The following TNRC18 variants were observed in gnomAD, a reference collection of about 807,000 sequenced individuals.
TNRC18 encodes trinucleotide repeat containing 18, also known as trinucleotide repeat-containing gene 18 protein.
In TNRC18, 69 loss-of-function variants were observed where a neutral mutation model predicts 226.7. The ratio of observed to expected loss-of-function variants is 0.30; its 90% confidence interval spans 0.25 to 0.37. The LOEUF is 0.37. TNRC18 is among the 10% of genes least tolerant of loss of function. TNRC18 has a pLI of 1.00. For missense variants in TNRC18, 4,754 were observed against 4,256.6 expected (o/e 1.12, Z -3.25); for synonymous variants, 2,449 against 1,927.6 (o/e 1.27, Z -7.09).
At chr7:5,345,517 G>GGGGGGGCGCCCCCCCCA in intron 18 of TNRC18, 45 bp downstream of exon 18, 1 of 377,744 alleles carries the variant, frequency 2.6e-6, no homozygotes, top group Non-Finnish European at 4.8e-6. Flanking sequence ...AATGGCGTCC[G>GGGGGGGCGCCCCCCCCA]CCCCTCCCAC....
Position 5,345,549 on chromosome 7 carries a change from TGCTG to T in TNRC18, c.5719+9_5719+12del. ...CCACCCACCCCCACCGCAGCCCACC[TGCTG>T]CCACTTACCCAGCAGGCTCTGCCGC... On this transcript the variant is annotated intron_variant, in intron 18 of 29. Coordinates refer to ENST00000430969, the MANE Select transcript of TNRC18 (RefSeq NM_001080495.3). The T allele has an allele frequency of 5.9e-6, 1 of 170,158 alleles. No individual in the cohort carries two copies. The allele number at this position is 170,158 out of a possible 1,614,324, so 10.5% of individuals were successfully genotyped here.
In TNRC18 at chr7:5,420,321, C is replaced by G. The variant is rs1562649137; in HGVS notation, c.187+739G>C. On this transcript the variant is annotated intron_variant, in intron 2 of 29. Coordinates refer to ENST00000430969, the MANE Select transcript of TNRC18 (RefSeq NM_001080495.3). ...GCCTGGGCCCTGCCCGACCCGCTCT[C>G]TTCTTTCCCCCTAGGTTCGGGACCG... is the stretch of plus-strand genomic sequence containing the variant. 1.1e-5 allele frequency: 5 copies of G among 454,006 alleles called. No homozygotes were observed. The Admixed American group carries it at 1.2e-4, about 11-fold the overall frequency. The allele number at this position is 454,006 out of a possible 1,614,324, so 28.1% of individuals were successfully genotyped here. A position where few individuals can be genotyped will look rare whatever the true frequency, so the allele number is the denominator to read the frequency against.
intron 2 of TNRC18, among the ~76,000 whole-genome samples, chr7:5,409,915 C>A (rs571782712): frequency 1.2e-4 from 18 of 147,842 alleles, no homozygotes; most frequent in Non-Finnish European, 2.4e-4. Flanking sequence ...GACATGAACC[C>A]GGGAGGTGGA....
At chr7:5,351,777 G>C (rs775368775) in intron 17 of TNRC18, 42 bp downstream of exon 17, 2 of 1,523,776 alleles carry the variant, frequency 1.3e-6, no homozygotes, top group Non-Finnish European at 1.8e-6. Flanking sequence ...GCACTCTCTC[G>C]CTAGGAAACA....
At position 5,388,543 on chromosome 7, in the gene TNRC18, G is replaced by C; in HGVS notation, c.1281C>G (p.Arg427=). ...PRPLDRPEGL[R]EKNSVIRSLK... ...GCGAGCGGATGACCGAGTTCTTCTCGCGCAGGCCCTCGGGCCGGTCCAGAG... is the reference window on the plus strand; with the variant it reads ...GCGAGCGGATGACCGAGTTCTTCTCCCGCAGGCCCTCGGGCCGGTCCAGAG... Residue 427 remains arginine (R), a synonymous_variant, in exon 5 of 30, where the codon CGC becomes CGG. Transcript: ENST00000430969. 1 of 1,315,320 alleles carries C rather than the reference G, an allele frequency of 7.6e-7. No individual in the cohort carries two copies. Among genetic ancestry groups the C allele is most frequent in the Admixed American group, 4.3e-5 (1 of 23,416 alleles). 81.5% of individuals were successfully genotyped at this position (1,315,320 alleles called of 1,614,324 possible). A position where few individuals can be genotyped will look rare whatever the true frequency, so the allele number is the denominator to read the frequency against.
Position 5,320,514 on chromosome 7 carries a change from C to A in TNRC18, c.6636+18G>T. The A allele has an allele frequency of 1.2e-6, 2 of 1,602,404 alleles. No individual in the cohort carries two copies. Among genetic ancestry groups the A allele is most frequent in the Non-Finnish European group, 1.7e-6 (2 of 1,175,692 alleles). Reference sequence around the variant, plus strand: ...AGCCCACCCCGAGCCTCCCGAGGCCCCGCCCCTCCCCCCTCACCGCCTCCT... The same window carrying A: ...AGCCCACCCCGAGCCTCCCGAGGCCACGCCCCTCCCCCCTCACCGCCTCCT... On this transcript the variant is annotated intron_variant, in intron 23 of 29. Transcript: ENST00000430969.
chr7:5,405,301 G>A (rs1781391359), intron 2 of TNRC18, among the ~76,000 whole-genome samples: 2 of 152,098 alleles, frequency 1.3e-5, no homozygotes, highest in South Asian at 4.1e-4. Flanking sequence ...AGGCACTGCG[G>A]CTCACACATG....
chr7:5,368,223 T>C (rs895963324), intron 11 of TNRC18, among the ~76,000 whole-genome samples: 32 of 151,896 alleles, frequency 2.1e-4, no homozygotes, highest in Admixed American at 2.0e-3. Flanking sequence ...TCCCAGCAAT[T>C]TGGGAGTCCA....
intron 2 of TNRC18, among the ~76,000 whole-genome samples, chr7:5,404,651 C>T (rs1781343040): frequency 1.3e-5 from 2 of 152,126 alleles, no homozygotes; most frequent in South Asian, 2.1e-4. Context: ...TCTGGGGATC[C>T]CTCCCAAGGA....
intron 24 of TNRC18, among the ~76,000 whole-genome samples, chr7:5,319,119 G>C (rs186709863): frequency 3.5e-4 from 54 of 152,312 alleles, no homozygotes; most frequent in African/African-American, 7.7e-4. Flanking sequence ...TAGGAAATCC[G>C]AATCTAAGGC....
At chr7:5,339,579 T>TGTGTGTG (rs1562514263) in intron 18 of TNRC18, among the ~76,000 whole-genome samples, 1 of 122,576 alleles carries the variant, frequency 8.2e-6, no homozygotes, top group Non-Finnish European at 1.7e-5. Flanking sequence ...GTGTGTGTGT[T>TGTGTGTG]TTTCGACAGA....
intron 18 of TNRC18, 40 bp downstream of exon 18, chr7:5,345,519 CCCT>C: frequency 2.9e-5 from 5 of 174,074 alleles, no homozygotes; most frequent in East Asian, 2.0e-4. Context: ...TGGCGTCCGC[CCCT>C]CCCACCCACC....
At chr7:5,337,867 T>C (rs935071236) in intron 18 of TNRC18, among the ~76,000 whole-genome samples, 66 of 151,824 alleles carry the variant, frequency 4.3e-4, no homozygotes, top group African/African-American at 1.6e-3. Flanking sequence ...CCTGTAATCC[T>C]AGCTACTTGG....
chr7:5,403,781 C>A (rs1781273999), intron 2 of TNRC18, among the ~76,000 whole-genome samples: 1 of 151,346 alleles, frequency 6.6e-6, no homozygotes, highest in African/African-American at 2.4e-5. Context: ...CAGAGTGAGA[C>A]CCTGTCTGTT....
intron 11 of TNRC18, 141 bp downstream of exon 11, chr7:5,370,234 G>C (rs933277570): frequency 9.9e-7 from 1 of 1,008,164 alleles, no homozygotes; most frequent in South Asian, 1.7e-5. Flanking sequence ...GGGGAGGGAA[G>C]ATCACTTGAG....
At chr7:5,360,978 T>G (rs1792977077) in intron 14 of TNRC18, among the ~76,000 whole-genome samples, 1 of 152,108 alleles carries the variant, frequency 6.6e-6, no homozygotes, top group South Asian at 2.1e-4. Flanking sequence ...CCCCTTTCCT[T>G]GACGGGCCCC....
intron 21 of TNRC18, among the ~76,000 whole-genome samples, chr7:5,321,856 G>C (rs1788400030): frequency 1.3e-5 from 2 of 151,654 alleles, no homozygotes; most frequent in African/African-American, 4.8e-5. Flanking sequence ...ATTTTTAGTA[G>C]AGACGGGGTT....
In TNRC18 at chr7:5,307,207, GTTT is replaced by G. The variant is rs11447827; in HGVS notation, c.*896_*898del. 2.7e-5 allele frequency: 4 copies of G among 146,802 alleles called. No individual in the cohort carries two copies. The highest frequency in any genetic ancestry group is 1.0e-4 in the African/African-American group (4 of 40,168). The allele number at this position is 146,802 out of a possible 1,614,324, so 9.1% of individuals were successfully genotyped here. ...AAAATAATATTCTGCACGTCAGAAT[GTTT>G]TTTTTTATAATTTCATAGCTATTTT... is the stretch of plus-strand genomic sequence containing the variant. On this transcript the variant is annotated 3_prime_UTR_variant, in exon 30 of 30. Transcript: ENST00000430969.
chr7:5,356,806 G>C, intron 16 of TNRC18, 110 bp downstream of exon 16: 2 of 1,377,258 alleles, frequency 1.5e-6, no homozygotes, highest in Non-Finnish European at 1.9e-6. Context: ...GAGAGAGAGC[G>C]AGAGCGAGAG....
Sources: gnomAD v4.1 joint callset for allele counts (sites outside exome capture counted in the v4.1 genomes callset) on GRCh38, gnomAD v4.1.1 for gene constraint, MANE v1.5 for transcripts, NCBI Gene and HGNC (gene_info 2026-07-23, HGNC 2026-07-21) for gene names.